Variants in CDH18 observed in about 807,000 individuals in gnomAD.
CDH18 encodes cadherin 18, also known as cadherin-18.
A neutral mutation model predicts 67.9 loss-of-function variants in CDH18; 31 were observed. That is an observed-to-expected ratio of 0.46 (90% CI 0.34 to 0.62). The LOEUF is 0.62. CDH18 is among the 20% of genes least tolerant of loss of function. The probability of loss-of-function intolerance (pLI) is 0.01; values close to 1 mark genes in which losing one functional copy is unlikely to be tolerated. For synonymous variants in CDH18, 362 were observed against 347.2 expected (o/e 1.04, Z -0.48); for missense variants, 890 against 975.5 (o/e 0.91, Z 1.17).
chr5:19,851,034 G>A (rs746719116), intron 2 of CDH18, among the ~76,000 whole-genome samples: 10 of 151,746 alleles, frequency 6.6e-5, no homozygotes, highest in Non-Finnish European at 1.3e-4. Flanking sequence ...TTTTTATTGG[G>A]TATTAAGGTA....
intron 2 of CDH18, among the ~76,000 whole-genome samples, chr5:20,012,546 G>A (rs1019428836): frequency 6.6e-6 from 1 of 151,902 alleles, no homozygotes; most frequent in Non-Finnish European, 1.5e-5. Flanking sequence ...AAACACCTAG[G>A]AATAGAGCTA....
chr5:20,162,847 T>C (rs1020881189), intron 2 of CDH18, among the ~76,000 whole-genome samples: 2 of 151,784 alleles, frequency 1.3e-5, no homozygotes, highest in Non-Finnish European at 2.9e-5. Context: ...TCATCTGAGG[T>C]CAGGAGTTTG....
At chr5:20,126,943 C>T (rs1037169429) in intron 2 of CDH18, among the ~76,000 whole-genome samples, 2 of 152,110 alleles carry the variant, frequency 1.3e-5, no homozygotes, top group African/African-American at 4.8e-5. Flanking sequence ...CTAGTAATTT[C>T]ACTTCTAGGT....
At chr5:19,678,411 G>T (rs946074412) in intron 5 of CDH18, among the ~76,000 whole-genome samples, 3 of 151,844 alleles carry the variant, frequency 2.0e-5, no homozygotes, top group African/African-American at 4.8e-5. Flanking sequence ...AATTAAGATG[G>T]TAATTCAGAA....
At chr5:19,938,039 A>T (rs1324811835) in intron 2 of CDH18, among the ~76,000 whole-genome samples, 1 of 147,846 alleles carries the variant, frequency 6.8e-6, no homozygotes, top group East Asian at 2.0e-4. Context: ...GCAAATATAT[A>T]TTTATATATT....
chr5:20,354,973 C>T (rs573487036), intron 1 of CDH18, among the ~76,000 whole-genome samples: 127 of 152,162 alleles, frequency 8.3e-4, no homozygotes, highest in Non-Finnish European at 1.4e-3. Context: ...CACTTTACTA[C>T]GAGGGCCAAT....
chr5:20,572,951 T>G (rs903260232), intron 1 of CDH18, among the ~76,000 whole-genome samples: 1 of 152,134 alleles, frequency 6.6e-6, no homozygotes, highest in Non-Finnish European at 1.5e-5. Flanking sequence ...ATGTGACTCC[T>G]AGCACACTTG....
At chr5:19,745,615 A>C (rs1561208243) in intron 4 of CDH18, among the ~76,000 whole-genome samples, 1 of 152,182 alleles carries the variant, frequency 6.6e-6, no homozygotes, top group African/African-American at 2.4e-5. Context: ...GGGTTAAAAA[A>C]TGCTGAAGCC....
At chr5:19,825,636 G>A (rs769649205) in intron 3 of CDH18, among the ~76,000 whole-genome samples, 4 of 151,378 alleles carry the variant, frequency 2.6e-5, no homozygotes, top group Non-Finnish European at 5.9e-5. Context: ...CAAGATCCAG[G>A]GGCAAACTAG....
chr5:20,313,693 G>T (rs1252562220), intron 1 of CDH18, among the ~76,000 whole-genome samples: 1 of 151,904 alleles, frequency 6.6e-6, no homozygotes, highest in Non-Finnish European at 1.5e-5. Context: ...GATGAAATGA[G>T]GGATAGTGCA....
chr5:20,239,338 C>T (rs930485846), intron 2 of CDH18, among the ~76,000 whole-genome samples: 3 of 152,084 alleles, frequency 2.0e-5, no homozygotes, highest in Non-Finnish European at 2.9e-5. Context: ...TGCCTGTAGT[C>T]CCAGCTACTT....
intron 2 of CDH18, among the ~76,000 whole-genome samples, chr5:20,070,208 C>A (rs541511092): frequency 6.6e-6 from 1 of 152,160 alleles, no homozygotes; most frequent in African/African-American, 2.4e-5. Flanking sequence ...TCCTTTATGT[C>A]TTTTTATGGC....
chr5:19,712,739 CTA>C (rs2150536086), intron 5 of CDH18, among the ~76,000 whole-genome samples: 1 of 149,986 alleles, frequency 6.7e-6, no homozygotes, highest in Non-Finnish European at 1.5e-5. Flanking sequence ...TGTGTATTTT[CTA>C]TATATATGTG....
At chr5:20,066,558 C>T (rs1471324270) in intron 2 of CDH18, among the ~76,000 whole-genome samples, 1 of 151,928 alleles carries the variant, frequency 6.6e-6, no homozygotes, top group African/African-American at 2.4e-5. Context: ...AATTCAAAGT[C>T]TCCAGAGAAT....
At chr5:19,726,557 C>T (rs764669127) in intron 4 of CDH18, among the ~76,000 whole-genome samples, 2 of 152,216 alleles carry the variant, frequency 1.3e-5, no homozygotes, top group East Asian at 3.9e-4. Flanking sequence ...CAGGAGTGGA[C>T]ATAAATAGCA....
rs139553287 is a variant in CDH18 at position 20,327,558 on chromosome 5, G to C, written c.-579-72053C>G. ...AGCACAGGTCACAGATGCTCCTGTG[G>C]CTCCTCAGACACTCTTCCAGTTCTG... On this transcript the variant is annotated intron_variant, in intron 1 of 14. Coordinates refer to the CDH18 transcript ENST00000507958. 1.9e-3 allele frequency among the ~76,000 whole-genome samples: 287 copies of C among 151,844 alleles called. 3 individuals carry two copies. The highest frequency in any genetic ancestry group is 6.4e-3 in the African/African-American group (267 of 41,472).
At chr5:19,789,701 A>G (rs984326697) in intron 3 of CDH18, among the ~76,000 whole-genome samples, 1 of 152,166 alleles carries the variant, frequency 6.6e-6, no homozygotes, top group Non-Finnish European at 1.5e-5. Context: ...GAAAAAGCAC[A>G]AGCTCACTGG....
intron 8 of CDH18, among the ~76,000 whole-genome samples, chr5:19,547,976 A>C (rs1736631099): frequency 6.6e-6 from 1 of 152,194 alleles, no homozygotes; most frequent in Admixed American, 6.5e-5. Context: ...TTGAAGATTA[A>C]ATGTAGAATC....
chr5:20,251,874 T>G (rs931438954), intron 2 of CDH18, among the ~76,000 whole-genome samples: 1 of 152,148 alleles, frequency 6.6e-6, no homozygotes, highest in African/African-American at 2.4e-5. Flanking sequence ...GCACTTGTAA[T>G]TTTTTTCATT....
Sources: allele counts gnomAD v4.1 joint callset (sites outside exome capture counted in the v4.1 genomes callset), GRCh38; gene constraint gnomAD v4.1.1; transcripts MANE v1.5; gene names NCBI Gene and HGNC (gene_info 2026-07-23, HGNC 2026-07-21).